GRIP1: variants seen among roughly 807,000 people sequenced by gnomAD.
GRIP1 encodes the protein glutamate receptor interacting protein 1, also known as glutamate receptor-interacting protein 1.
GRIP1 carries 45 observed loss-of-function variants against 129.9 expected under a neutral mutation model. The observed-to-expected ratio is 0.35, with a 90% confidence interval of 0.27 to 0.44. The LOEUF (loss-of-function observed/expected upper bound fraction) is 0.44. GRIP1 is among the 20% of genes least tolerant of loss of function. GRIP1 has a pLI of 1.00. For missense variants in GRIP1, 1,196 were observed against 1,396.8 expected (o/e 0.86, Z 2.29); for synonymous variants, 530 against 520.8 (o/e 1.02, Z -0.24).
At chr12:66,542,075 G>T in intron 2 of GRIP1, 125 bp from the exon 3 acceptor site, 1 of 837,732 alleles carries the variant, frequency 1.2e-6, no homozygotes, top group Non-Finnish European at 2.0e-6. Flanking sequence ...TCCTTCCATT[G>T]TAATTTGAAG....
intron 14 of GRIP1, 58 bp downstream of exon 14, chr12:66,432,490 G>T: frequency 2.9e-6 from 3 of 1,024,978 alleles, no homozygotes; most frequent in South Asian, 1.3e-5. Flanking sequence ...CAAACCATTT[G>T]ACAACACAGT....
intron 1 of GRIP1, among the ~76,000 whole-genome samples, chr12:67,066,899 T>TAC (rs1376366112): frequency 1.4e-5 from 2 of 141,276 alleles, no homozygotes; most frequent in Non-Finnish European, 3.1e-5. Flanking sequence ...TATATATATA[T>TAC]ATATATATAT....
chr12:67,035,312 C>T (rs1244457126), intron 1 of GRIP1, among the ~76,000 whole-genome samples: 1 of 152,128 alleles, frequency 6.6e-6, no homozygotes, highest in Non-Finnish European at 1.5e-5. Context: ...TGCCTCAGCC[C>T]CCCTCAGCAG....
intron 19 of GRIP1, among the ~76,000 whole-genome samples, chr12:66,392,094 T>C (rs1263441382): frequency 1.3e-5 from 2 of 152,186 alleles, no homozygotes; most frequent in African/African-American, 4.8e-5. Context: ...TGGAGGCCTG[T>C]TAGTGTTTGG....
rs113575479 is a variant in GRIP1 at position 67,049,067 on chromosome 12, C to T, written c.58+19983G>A. 6.1e-3 allele frequency among the ~76,000 whole-genome samples: 935 copies of T among 152,214 alleles called. 10 individuals carry two copies. The highest frequency in any genetic ancestry group is 0.02 in the African/African-American group (847 of 41,540). ...TCTCAACACCTGGCCTCAAGCAATCCTCCCACCTCAGCCTTACACAGTGCT... is the reference window on the plus strand; with the variant it reads ...TCTCAACACCTGGCCTCAAGCAATCTTCCCACCTCAGCCTTACACAGTGCT... On this transcript the variant is annotated intron_variant, in intron 1 of 1. Transcript: ENST00000643019.
chr12:66,759,344 C>T (rs1219729088), intron 1 of GRIP1, among the ~76,000 whole-genome samples: 2 of 152,222 alleles, frequency 1.3e-5, no homozygotes, highest in African/African-American at 4.8e-5. Context: ...CTGCACACAG[C>T]ATGGCAACCC....
chr12:66,832,519 G>GAA (rs60120273), intron 1 of GRIP1, among the ~76,000 whole-genome samples: 5 of 150,796 alleles, frequency 3.3e-5, no homozygotes, highest in East Asian at 3.9e-4. Flanking sequence ...TTGTTTATGA[G>GAA]AAAAAAAAAT....
intron 1 of GRIP1, among the ~76,000 whole-genome samples, chr12:67,032,339 A>G (rs1227694821): frequency 6.6e-6 from 1 of 152,234 alleles, no homozygotes; most frequent in Non-Finnish European, 1.5e-5. Flanking sequence ...AATATTTGTT[A>G]AAATGCCTAG....
At chr12:66,715,471 T>TGTGTGAGA (rs761155485) in intron 1 of GRIP1, among the ~76,000 whole-genome samples, 55 of 110,136 alleles carry the variant, frequency 5.0e-4, no homozygotes, top group African/African-American at 1.6e-3. Context: ...TGTGTGTGTG[T>TGTGTGAGA]GAGAGAGAGA....
intron 1 of GRIP1, among the ~76,000 whole-genome samples, chr12:67,044,868 A>T (rs2043230515): frequency 6.6e-6 from 1 of 152,210 alleles, no homozygotes; most frequent in Non-Finnish European, 1.5e-5. Flanking sequence ...CACTATAGTA[A>T]TTCTTATCGA....
intron 1 of GRIP1, among the ~76,000 whole-genome samples, chr12:66,867,177 C>T (rs540699122): frequency 3.3e-5 from 5 of 151,726 alleles, no homozygotes; most frequent in East Asian, 1.9e-4. Context: ...TTAGTAGAGA[C>T]GGTGTTTCAC....
In GRIP1 at chr12:66,833,988, T is replaced by C. The variant is rs184385641; in HGVS notation, c.58+235062A>G. On this transcript the variant is annotated intron_variant, in intron 1 of 1. Coordinates refer to the GRIP1 transcript ENST00000643019. ...AGTTTGAGACCAGGCTGACCAACCA[T>C]GAAACCATGAAACCCCGTCTCTACT... 3.9e-4 allele frequency among the ~76,000 whole-genome samples: 59 copies of C among 152,058 alleles called. No homozygotes were observed. The East Asian group carries it at 9.7e-3, about 25-fold the overall frequency.
chr12:66,881,544 C>T (rs1323854408), intron 1 of GRIP1, among the ~76,000 whole-genome samples: 1 of 151,984 alleles, frequency 6.6e-6, no homozygotes, highest in Admixed American at 6.6e-5. Flanking sequence ...ATTACCTCTC[C>T]AGCTTCATCC....
chr12:66,726,140 T>C (rs2036247886), intron 1 of GRIP1, among the ~76,000 whole-genome samples: 1 of 152,008 alleles, frequency 6.6e-6, no homozygotes. Context: ...TCCCCAAATA[T>C]AAAGAAAAAT....
At chr12:66,723,768 A>G (rs2036169848) in intron 1 of GRIP1, among the ~76,000 whole-genome samples, 1 of 152,162 alleles carries the variant, frequency 6.6e-6, no homozygotes, top group Non-Finnish European at 1.5e-5. Flanking sequence ...AAGCAGGACA[A>G]ATACAGAATT....
At chr12:66,860,219 G>C (rs2040087428) in intron 1 of GRIP1, among the ~76,000 whole-genome samples, 1 of 152,078 alleles carries the variant, frequency 6.6e-6, no homozygotes, top group Non-Finnish European at 1.5e-5. Context: ...AGAAGCTTGG[G>C]CTTTCGAGTC....
chr12:67,060,782 C>T (rs892697399), intron 1 of GRIP1, among the ~76,000 whole-genome samples: 3 of 147,012 alleles, frequency 2.0e-5, no homozygotes, highest in African/African-American at 5.1e-5. Context: ...GGGAACCGCA[C>T]CATTGCACTC....
At position 66,921,535 on chromosome 12, in the gene GRIP1, T is replaced by C. The variant is rs1045254397; in HGVS notation, c.58+147515A>G. 2.0e-5 allele frequency among the ~76,000 whole-genome samples: 3 copies of C among 152,238 alleles called. No individual in the cohort carries two copies. The South Asian group carries it at 6.2e-4, about 32-fold the overall frequency. On this transcript the variant is annotated intron_variant, in intron 1 of 1. Transcript: ENST00000643019. ...CCCATGCATGGATTTCTCCTAGTAC[T>C]GCAGGCTCCTGCTTTTGAACTCAGC...
At chr12:66,918,609 T>C (rs1309746295) in intron 1 of GRIP1, among the ~76,000 whole-genome samples, 3 of 152,142 alleles carry the variant, frequency 2.0e-5, no homozygotes, top group African/African-American at 7.2e-5. Context: ...TAAAATATTT[T>C]CAAACAACCT....
Sources: gnomAD v4.1 joint callset for allele counts (sites outside exome capture counted in the v4.1 genomes callset) on GRCh38, gnomAD v4.1.1 for gene constraint, MANE v1.5 for transcripts, NCBI Gene and HGNC (gene_info 2026-07-23, HGNC 2026-07-21) for gene names.